The following CRISP3 variants were observed in gnomAD, a reference collection of about 807,000 sequenced individuals.
The protein encoded by CRISP3 is cysteine rich secretory protein 3, also known as cysteine-rich secretory protein 3.
CRISP3 carries 33 observed loss-of-function variants against 36.1 expected under a neutral mutation model. The observed-to-expected ratio is 0.91, with a 90% CI of 0.69 to 1.22. The LOEUF (loss-of-function observed/expected upper bound fraction) is 1.22. CRISP3 is among the 50% of genes most tolerant of loss of function. The pLI is 0.00. For missense variants in CRISP3, 330 were observed against 301.2 expected (o/e 1.10, Z -0.71); for synonymous variants, 117 against 104.6 (o/e 1.12, Z -0.72).
At chr6:49,737,065 T>TA (rs552614661) in intron 2 of CRISP3, among the ~76,000 whole-genome samples, 10 of 152,076 alleles carry the variant, frequency 6.6e-5, no homozygotes, top group African/African-American at 1.7e-4. Context: ...TTTACCACAT[T>TA]AAAAAAAATC....
chr6:49,741,492 A>T (rs1486383611), intron 1 of CRISP3, among the ~76,000 whole-genome samples: 2 of 152,114 alleles, frequency 1.3e-5, no homozygotes, highest in Admixed American at 1.3e-4. Flanking sequence ...GTAAAATTAT[A>T]TGAGGACTGC....
At chr6:49,740,135 A>C (rs1360484364) in intron 1 of CRISP3, among the ~76,000 whole-genome samples, 1 of 152,220 alleles carries the variant, frequency 6.6e-6, no homozygotes, top group African/African-American at 2.4e-5. Context: ...ATTAAACTGT[A>C]ACATACTGTG....
chr6:49,729,747 T>C (rs777593595), intron 7 of CRISP3, among the ~76,000 whole-genome samples: 1 of 152,190 alleles, frequency 6.6e-6, no homozygotes, highest in Non-Finnish European at 1.5e-5. Flanking sequence ...CTATTTTTCA[T>C]ACCTGTCTAT....
rs2127452108 is a variant in CRISP3, at chr6:49,736,416, G to A, written c.203C>T (p.Pro68Leu). 1 of 1,612,230 alleles carries A rather than the reference G, an allele frequency of 6.2e-7. No individual in the cohort carries two copies. Among genetic ancestry groups the A allele is most frequent in the East Asian group, 2.2e-5 (1 of 44,830 alleles). ...CATCTTCAGCATGTTTCTGGCAGGG[G>A]GAGATACTGCTCTCCTCAGTTCATT... ...KHNELRRAVS[P>L]PARNMLKMEW... is the part of the protein sequence containing the mutation. The change falls in exon 3 of 8, where the codon CCC becomes CTC. Residue 68 changes from proline (P) to leucine (L), a missense_variant. Transcript: ENST00000263045.
At position 49,728,526 on chromosome 6, in the gene CRISP3, G is replaced by A. The variant is rs1768825867; in HGVS notation, c.*204C>T. On this transcript the variant is annotated 3_prime_UTR_variant, in exon 8 of 8. Transcript: ENST00000263045. ...ATAAAAATCCAAAGTTGTTGTTATA[G>A]ATTTTGTTTCTTTTTAACCATTTGT... 2 of 369,766 alleles carry A rather than the reference G, an allele frequency of 5.4e-6. No individual in the cohort carries two copies. Among genetic ancestry groups the A allele is most frequent in the Non-Finnish European group, 9.4e-6 (2 of 213,082 alleles). 22.9% of individuals were successfully genotyped at this position (369,766 alleles called of 1,614,324 possible). A position where few individuals can be genotyped will look rare whatever the true frequency, so the allele number is the denominator to read the frequency against.
At chr6:49,738,576 G>T (rs1769118921) in intron 1 of CRISP3, among the ~76,000 whole-genome samples, 1 of 152,104 alleles carries the variant, frequency 6.6e-6, no homozygotes, top group South Asian at 2.1e-4. Flanking sequence ...CCTCAGCTCT[G>T]GGGGCTGGGA....
chr6:49,734,690 C>T (rs960714036), intron 4 of CRISP3, among the ~76,000 whole-genome samples: 10 of 152,060 alleles, frequency 6.6e-5, no homozygotes, highest in Non-Finnish European at 1.2e-4. Context: ...TACCCCCTTT[C>T]ATAAATTTAT....
intron 1 of CRISP3, among the ~76,000 whole-genome samples, chr6:49,738,235 A>G (rs990682144): frequency 1.3e-5 from 2 of 152,234 alleles, no homozygotes; most frequent in African/African-American, 4.8e-5. Context: ...AAAAGTTTTA[A>G]GCATAAAATT....
chr6:49,732,609 T>C (rs1561907115), intron 6 of CRISP3, among the ~76,000 whole-genome samples: 2 of 152,186 alleles, frequency 1.3e-5, no homozygotes, highest in East Asian at 1.9e-4. Flanking sequence ...GAAATTTTTT[T>C]TGTGGTAAAT....
intron 1 of CRISP3, among the ~76,000 whole-genome samples, chr6:49,743,864 A>G (rs1769267152): frequency 6.6e-6 from 1 of 152,066 alleles, no homozygotes; most frequent in Non-Finnish European, 1.5e-5. Context: ...ATACTTTTTA[A>G]TCTTGAGATC....
At chr6:49,737,526 G>T in intron 1 of CRISP3, 128 bp from the exon 2 acceptor site, 1 of 944,472 alleles carries the variant, frequency 1.1e-6, no homozygotes, top group Non-Finnish European at 1.6e-6. Context: ...TGTAACAGGA[G>T]AAGACTTGTC....
intron 1 of CRISP3, among the ~76,000 whole-genome samples, chr6:49,738,686 C>G (rs1454408851): frequency 6.6e-6 from 1 of 152,128 alleles, no homozygotes; most frequent in Non-Finnish European, 1.5e-5. Context: ...GCACTAAATT[C>G]AGCTTTCCTT....
intron 4 of CRISP3, 144 bp from the exon 5 acceptor site, chr6:49,733,992 T>C: frequency 1.6e-6 from 1 of 637,738 alleles, no homozygotes; most frequent in Non-Finnish European, 2.6e-6. Context: ...TATTGACTAA[T>C]ACATAAGGAG....
In CRISP3 at chr6:49,735,523, G is replaced by A. The variant is rs372587261; in HGVS notation, c.297C>T (p.Asn99=). 27 of 1,610,762 alleles carry A rather than the reference G, an allele frequency of 1.7e-5. No homozygotes were observed. The highest frequency in any genetic ancestry group is 2.2e-5 in the East Asian group (1 of 44,742). Residue 99 remains asparagine, a synonymous_variant, in exon 4 of 8, where the codon AAC becomes AAT. Coordinates refer to ENST00000263045, the MANE Select transcript of CRISP3 (RefSeq NM_006061.4). Reference sequence around the variant, plus strand: ...ACATACTTGTCATTCGATCCTTTGGGTTACTGTGTCTGTAATTGCACTGGT... The same window carrying A: ...ACATACTTGTCATTCGATCCTTTGGATTACTGTGTCTGTAATTGCACTGGT... The part of the protein sequence containing the change: ...WANQCNYRHS[N]PKDRMTSLKC...
Position 49,733,826 on chromosome 6 carries a change from G to C in CRISP3, c.339C>G (p.Leu113=), listed in dbSNP as rs762689400. The change falls in exon 5 of 8, where the codon CTC becomes CTG. Residue 113 remains leucine, a synonymous_variant. Coordinates refer to ENST00000263045, the MANE Select transcript of CRISP3 (RefSeq NM_006061.4). ...RMTSLKCGEN[L]YMSSASSSWS... is the part of the protein sequence containing the mutation. ...ATGAGCTGGAGGCACTTGACATGTA[G>C]AGATTCTCACCACATTTTAGACCTA... 3 of 1,613,686 alleles carry C rather than the reference G, an allele frequency of 1.9e-6. No individual in the cohort carries two copies. The highest frequency in any genetic ancestry group is 1.1e-5 in the South Asian group (1 of 91,064).
At chr6:49,732,492 AT>A (rs1231393362) in intron 6 of CRISP3, among the ~76,000 whole-genome samples, 6 of 151,980 alleles carry the variant, frequency 3.9e-5, no homozygotes, top group East Asian at 1.9e-4. Context: ...ATATCCACAG[AT>A]TTTTTTTCGT....
chr6:49,736,542 A>T (rs1434311278), intron 2 of CRISP3, 35 bp from the exon 3 acceptor site: 2 of 1,403,022 alleles, frequency 1.4e-6, no homozygotes, highest in Admixed American at 1.7e-5. Flanking sequence ...ATCTTTTAAC[A>T]TTGTTGGAAA....
In CRISP3 at chr6:49,734,000, G is replaced by A. The variant is rs556967536; in HGVS notation, c.317-152C>T. On this transcript the variant is annotated intron_variant, in intron 4 of 7. Transcript: ENST00000263045. ...TAATGAATATTGACTAATACATAAG[G>A]AGGGTGCCTCAGATCCTTATCAGCT... is the stretch of plus-strand genomic sequence containing the variant. 3 of 611,744 alleles carry A rather than the reference G, an allele frequency of 4.9e-6. No individual in the cohort carries two copies. The East Asian group carries it at 8.3e-5, about 17-fold the overall frequency. 37.9% of individuals were successfully genotyped at this position (611,744 alleles called of 1,614,324 possible). A position where few individuals can be genotyped will look rare whatever the true frequency, so the allele number is the denominator to read the frequency against.
At chr6:49,740,375 G>T (rs1222227167) in intron 1 of CRISP3, among the ~76,000 whole-genome samples, 1 of 152,176 alleles carries the variant, frequency 6.6e-6, no homozygotes, top group Non-Finnish European at 1.5e-5. Flanking sequence ...TAATCAAATG[G>T]TCTATTTATA....
Sources: allele counts gnomAD v4.1 joint callset (sites outside exome capture counted in the v4.1 genomes callset), GRCh38; gene constraint gnomAD v4.1.1; transcripts MANE v1.5; gene names NCBI Gene and HGNC (gene_info 2026-07-23, HGNC 2026-07-21).